The following SMURF2 variants were observed in gnomAD, a reference collection of about 807,000 sequenced individuals.
The protein encoded by SMURF2 is E3 ubiquitin-protein ligase SMURF2.
Under a neutral mutation model 109.6 loss-of-function variants are expected in SMURF2, and 48 were observed. The ratio of observed to expected loss-of-function variants is 0.44; its 90% CI spans 0.35 to 0.56. The LOEUF is 0.56. Among genes scored for constraint, SMURF2 ranks in the 20% least tolerant of loss-of-function variants. The pLI, the probability that SMURF2 is intolerant of heterozygous loss-of-function variation, is 0.01. For synonymous variants in SMURF2, 288 were observed against 317.1 expected (o/e 0.91, Z 0.97); for missense variants, 575 against 909.0 (o/e 0.63, Z 4.72).
At chr17:64,625,595 T>C (rs1291426538) in intron 1 of SMURF2, among the ~76,000 whole-genome samples, 4 of 152,208 alleles carry the variant, frequency 2.6e-5, no homozygotes, top group African/African-American at 9.6e-5. Flanking sequence ...TTGGTTGGTG[T>C]ATGTCTACTC....
chr17:64,583,794 AATGTC>A (rs1424518838), intron 6 of SMURF2, among the ~76,000 whole-genome samples: 2 of 152,186 alleles, frequency 1.3e-5, no homozygotes, highest in African/African-American at 4.8e-5. Flanking sequence ...AATTTTTAAT[AATGTC>A]AACAATACAC....
intron 10 of SMURF2, among the ~76,000 whole-genome samples, chr17:64,564,707 C>T (rs1387911280): frequency 6.6e-6 from 1 of 152,134 alleles, no homozygotes; most frequent in Non-Finnish European, 1.5e-5. Context: ...CCAGAAACCA[C>T]TGGGAAGTTA....
At chr17:64,607,781 G>A (rs1489473891) in intron 1 of SMURF2, among the ~76,000 whole-genome samples, 1 of 151,788 alleles carries the variant, frequency 6.6e-6, no homozygotes, top group Non-Finnish European at 1.5e-5. Context: ...GACCAGCCTG[G>A]CTAACATGAT....
At chr17:64,564,402 A>T (rs1969272129) in intron 10 of SMURF2, among the ~76,000 whole-genome samples, 2 of 152,254 alleles carry the variant, frequency 1.3e-5, no homozygotes, top group African/African-American at 4.8e-5. Flanking sequence ...AAAGCAGGTC[A>T]GCAGTTGGCT....
chr17:64,627,701 C>T (rs1410533221), intron 1 of SMURF2, among the ~76,000 whole-genome samples: 1 of 152,138 alleles, frequency 6.6e-6, no homozygotes, highest in Non-Finnish European at 1.5e-5. Context: ...AGGTATATCA[C>T]ATACAAAACA....
chr17:64,599,900 T>C (rs1369705933), intron 2 of SMURF2, among the ~76,000 whole-genome samples: 1 of 152,136 alleles, frequency 6.6e-6, no homozygotes, highest in African/African-American at 2.4e-5. Flanking sequence ...TTAAAAGACT[T>C]TGAAGAGTCT....
intron 12 of SMURF2, among the ~76,000 whole-genome samples, chr17:64,558,999 A>AAATT (rs1294365517): frequency 6.6e-6 from 1 of 152,224 alleles, no homozygotes; most frequent in Non-Finnish European, 1.5e-5. Flanking sequence ...AGTCTAAATT[A>AAATT]AATTACTACC....
At chr17:64,570,636 G>A (rs959612584) in intron 10 of SMURF2, among the ~76,000 whole-genome samples, 3 of 152,134 alleles carry the variant, frequency 2.0e-5, no homozygotes, top group Non-Finnish European at 4.4e-5. Context: ...TGAAGCCAGA[G>A]CATCCTGGTT....
Position 64,571,831 on chromosome 17 carries a change from G to A in SMURF2, c.983C>T (p.Pro328Leu), listed in dbSNP as rs782577577. ...HNNRTTQFTDPRLSANLHLVL... is the reference protein window; with the variant it reads ...HNNRTTQFTDLRLSANLHLVL... The stretch of plus-strand genomic sequence containing the variant: ...TAAATGCAAGTTAGCAGACAGCCGA[G>A]GATCTGTAAATTGTGTTGTTCTGTT... The change falls in exon 10 of 19, where the codon CCT (proline) becomes CTT (leucine). Residue 328 changes from proline to leucine, a missense_variant. Coordinates refer to ENST00000262435, the MANE Select transcript of SMURF2 (RefSeq NM_022739.4). 1 of 1,612,480 alleles carries A rather than the reference G, an allele frequency of 6.2e-7. No individual in the cohort carries two copies. Among genetic ancestry groups the A allele is most frequent in the Non-Finnish European group, 8.5e-7 (1 of 1,179,362 alleles).
chr17:64,559,293 A>G (rs1969173912), intron 12 of SMURF2, among the ~76,000 whole-genome samples: 1 of 152,120 alleles, frequency 6.6e-6, no homozygotes, highest in Non-Finnish European at 1.5e-5. Flanking sequence ...GACAGTAGTA[A>G]GGTTAAAAAA....
intron 1 of SMURF2, among the ~76,000 whole-genome samples, chr17:64,619,762 G>C (rs1970178447): frequency 6.6e-6 from 1 of 151,880 alleles, no homozygotes; most frequent in South Asian, 2.1e-4. Flanking sequence ...ATTCATGAAG[G>C]CTCCACCCTC....
intron 1 of SMURF2, among the ~76,000 whole-genome samples, chr17:64,626,273 A>C (rs918823348): frequency 6.6e-6 from 1 of 151,698 alleles, no homozygotes; most frequent in African/African-American, 2.4e-5. Context: ...AAAAAAAAAA[A>C]ACAAAAAACA....
At chr17:64,607,369 C>G (rs7225262) in intron 1 of SMURF2, among the ~76,000 whole-genome samples, 5 of 151,816 alleles carry the variant, frequency 3.3e-5, no homozygotes, top group African/African-American at 1.2e-4. Context: ...GGCTCACACC[C>G]GTAATCCCAG....
At chr17:64,613,167 T>C (rs1445404885) in intron 1 of SMURF2, among the ~76,000 whole-genome samples, 1 of 152,208 alleles carries the variant, frequency 6.6e-6, no homozygotes, top group African/African-American at 2.4e-5. Flanking sequence ...CTTGGGAATG[T>C]ACCTTGGGGA....
intron 1 of SMURF2, among the ~76,000 whole-genome samples, chr17:64,634,419 C>T (rs1439008606): frequency 6.6e-6 from 1 of 152,166 alleles, no homozygotes; most frequent in Admixed American, 6.5e-5. Flanking sequence ...ATAGAACTTT[C>T]CACTGACTTT....
intron 1 of SMURF2, among the ~76,000 whole-genome samples, chr17:64,629,083 T>C (rs1302082830): frequency 6.6e-6 from 1 of 152,170 alleles, no homozygotes; most frequent in African/African-American, 2.4e-5. Flanking sequence ...AGAAAACTTT[T>C]ACATATCTAA....
rs1968903035 is a variant in SMURF2, at chr17:64,543,452, T to C, written c.*2396A>G. ...CCATGCCCGGCTAAATTTTGTATTTTTAGTAGAGACAGGGTTTCACCACGT... is the reference window on the plus strand; with the variant it reads ...CCATGCCCGGCTAAATTTTGTATTTCTAGTAGAGACAGGGTTTCACCACGT... On this transcript the variant is annotated 3_prime_UTR_variant, in exon 19 of 19. Transcript: ENST00000262435. The C allele has an allele frequency of 6.6e-6, 1 of 152,082 alleles. No homozygotes were observed. The highest frequency in any genetic ancestry group is 2.1e-4 in the South Asian group (1 of 4,828). The allele number at this position is 152,082 out of a possible 1,614,324, so 9.4% of individuals were successfully genotyped here.
intron 8 of SMURF2, among the ~76,000 whole-genome samples, chr17:64,579,285 TTG>T (rs1969545357): frequency 6.6e-6 from 1 of 151,590 alleles, no homozygotes; most frequent in Non-Finnish European, 1.5e-5. Flanking sequence ...GGGTTTTGTT[TTG>T]TCTTTTTTTT....
chr17:64,569,262 T>C (rs1275013757), intron 10 of SMURF2, among the ~76,000 whole-genome samples: 16 of 150,592 alleles, frequency 1.1e-4, no homozygotes, highest in African/African-American at 3.2e-4. Context: ...GATCACGCCA[T>C]TGTACTCCAG....
Sources: allele counts gnomAD v4.1 joint callset (sites outside exome capture counted in the v4.1 genomes callset), GRCh38; gene constraint gnomAD v4.1.1; transcripts MANE v1.5; gene names NCBI Gene and HGNC (gene_info 2026-07-23, HGNC 2026-07-21).